Variants in AMBRA1 observed in about 807,000 individuals in gnomAD.
AMBRA1 encodes autophagy and beclin 1 regulator 1.
Under a neutral mutation model 125.4 loss-of-function variants are expected in AMBRA1, and 47 were observed. The ratio of observed to expected loss-of-function variants is 0.37; its 90% CI spans 0.30 to 0.48. The LOEUF (loss-of-function observed/expected upper bound fraction) is 0.48, where lower values mean the gene tolerates loss of function less well. AMBRA1 is among the 20% of genes least tolerant of loss of function. The probability of loss-of-function intolerance (pLI) is 0.99; values close to 1 mark genes in which losing one functional copy is unlikely to be tolerated. For synonymous variants in AMBRA1, 626 were observed against 655.5 expected (o/e 0.95, Z 0.69); for missense variants, 1,331 against 1,693.4 (o/e 0.79, Z 3.76).
chr11:46,542,183 T>C lies in AMBRA1; in HGVS notation c.1834A>G (p.Ser612Gly). 1.9e-6 allele frequency: 3 copies of C among 1,613,778 alleles called. No individual in the cohort carries two copies. Among genetic ancestry groups the C allele is most frequent in the East Asian group, 2.2e-5 (1 of 44,862 alleles). Reference protein sequence around the residue: ...VPSSFESVPSSGSQLPPLERT... With the variant: ...VPSSFESVPSGGSQLPPLERT... Reference sequence around the variant, plus strand: ...TCGAGAGGTGGCAACTGGCTGCCACTTGATGGCACACTCTCAAAGGAGCTG... The same window carrying C: ...TCGAGAGGTGGCAACTGGCTGCCACCTGATGGCACACTCTCAAAGGAGCTG... The change falls in exon 7 of 18, where the codon AGT (serine) becomes GGT (glycine). Residue 612 changes from serine (S) to glycine (G), a missense_variant. Ser to Gly is a moderately conservative substitution (Grantham distance 56). Transcript: ENST00000683756. The surrounding 1 kb of genome is among the most constrained non-coding windows in gnomAD (Gnocchi z 5.9).
At chr11:46,581,854 C>T (rs1445694275) in intron 1 of AMBRA1, among the ~76,000 whole-genome samples, 2 of 150,728 alleles carry the variant, frequency 1.3e-5, no homozygotes, top group Non-Finnish European at 3.0e-5. Context: ...GTAGTTCATG[C>T]CTGTAATTTC....
At chr11:46,568,377 G>C (rs1293417388) in intron 1 of AMBRA1, among the ~76,000 whole-genome samples, 1 of 151,746 alleles carries the variant, frequency 6.6e-6, no homozygotes, top group Non-Finnish European at 1.5e-5. Flanking sequence ...AGAATTGCTT[G>C]AACCCAGGAG....
intron 9 of AMBRA1, among the ~76,000 whole-genome samples, chr11:46,500,378 C>G (rs910536284): frequency 3.9e-5 from 6 of 152,180 alleles, no homozygotes; most frequent in Non-Finnish European, 5.9e-5. Flanking sequence ...TAGAAAACAT[C>G]AAGCCCTCAG....
At chr11:46,442,464 T>G (rs942874586) in intron 12 of AMBRA1, among the ~76,000 whole-genome samples, 1 of 151,938 alleles carries the variant, frequency 6.6e-6, no homozygotes, top group Admixed American at 6.6e-5. Context: ...TTAACACAAA[T>G]CTAGCAGTGA....
intron 12 of AMBRA1, among the ~76,000 whole-genome samples, chr11:46,440,462 G>A (rs1458716010): frequency 6.6e-6 from 1 of 152,198 alleles, no homozygotes; most frequent in East Asian, 1.9e-4. Context: ...ATGTGAGGAG[G>A]AGTGGTAGGA....
intron 8 of AMBRA1, among the ~76,000 whole-genome samples, chr11:46,510,803 A>G (rs1951227263): frequency 6.6e-6 from 1 of 152,208 alleles, no homozygotes; most frequent in Non-Finnish European, 1.5e-5. Flanking sequence ...TCTGACCTAT[A>G]CATAGTGTAT....
At chr11:46,403,238 A>G (rs1945846497) in intron 17 of AMBRA1, among the ~76,000 whole-genome samples, 1 of 152,190 alleles carries the variant, frequency 6.6e-6, no homozygotes, top group African/African-American at 2.4e-5. Context: ...CCAAAGAGGG[A>G]ACTGAGGCTC....
intron 9 of AMBRA1, among the ~76,000 whole-genome samples, chr11:46,498,643 G>A (rs923937142): frequency 2.0e-5 from 3 of 152,176 alleles, no homozygotes; most frequent in Admixed American, 1.3e-4. Flanking sequence ...GAGAGAGGCT[G>A]TAATTTGAAG....
chr11:46,519,576 G>C (rs1951670196), intron 7 of AMBRA1, among the ~76,000 whole-genome samples: 2 of 152,150 alleles, frequency 1.3e-5, no homozygotes, highest in Non-Finnish European at 2.9e-5. Context: ...GGGAATGCTG[G>C]CTCCCAGAAG....
At chr11:46,458,563 A>G (rs1948949969) in intron 11 of AMBRA1, among the ~76,000 whole-genome samples, 1 of 152,120 alleles carries the variant, frequency 6.6e-6, no homozygotes, top group South Asian at 2.1e-4. Flanking sequence ...TCCTTGAGAG[A>G]AGGGATCAAC....
intron 7 of AMBRA1, among the ~76,000 whole-genome samples, chr11:46,527,534 G>C (rs967870069): frequency 3.7e-5 from 5 of 136,464 alleles, no homozygotes; most frequent in Non-Finnish European, 6.3e-5. Context: ...GAAAATATTT[G>C]CTAACCATAT....
At chr11:46,456,166 TGAAA>T (rs1392659571) in intron 11 of AMBRA1, among the ~76,000 whole-genome samples, 2 of 152,034 alleles carry the variant, frequency 1.3e-5, no homozygotes, top group African/African-American at 4.8e-5. Flanking sequence ...CACATGCTAC[TGAAA>T]GATTACTAGG....
intron 7 of AMBRA1, chr11:46,530,581 A>T (rs1952169866): frequency 6.6e-6 from 1 of 152,254 alleles, no homozygotes; most frequent in Non-Finnish European, 1.5e-5. Context: ...GCCAATACTT[A>T]CTTAGAGCAT....
At chr11:46,577,814 G>A (rs1036556963) in intron 1 of AMBRA1, among the ~76,000 whole-genome samples, 5 of 152,016 alleles carry the variant, frequency 3.3e-5, no homozygotes, top group East Asian at 3.9e-4. Flanking sequence ...GCCGGGCATC[G>A]TGGTGCATGC....
At chr11:46,496,276 A>G (rs565423444) in intron 9 of AMBRA1, among the ~76,000 whole-genome samples, 69 of 152,162 alleles carry the variant, frequency 4.5e-4, no homozygotes, top group Admixed American at 2.6e-3. Flanking sequence ...TCAGCTGTTC[A>G]GAGGCTGAGG....
intron 17 of AMBRA1, among the ~76,000 whole-genome samples, chr11:46,408,303 G>A (rs1479403729): frequency 6.6e-6 from 1 of 152,184 alleles, no homozygotes; most frequent in Non-Finnish European, 1.5e-5. Flanking sequence ...CATTTTAGAG[G>A]AGAGGGACAT....
intron 1 of AMBRA1, among the ~76,000 whole-genome samples, chr11:46,575,993 G>C (rs772412363): frequency 6.6e-6 from 1 of 152,194 alleles, no homozygotes; most frequent in South Asian, 2.1e-4. Context: ...TATTTTTATA[G>C]GAAAGAGATT....
chr11:46,539,567 A>T lies in AMBRA1; in HGVS notation c.2072+2378T>A, dbSNP rs187365592. On this transcript the variant is annotated intron_variant, in intron 7 of 17. Coordinates refer to ENST00000683756, the MANE Select transcript of AMBRA1 (RefSeq NM_001387011.1). ...AGCGAAACTCCATCTCAAAAAAATA[A>T]AAATGTTATATTAAGGAAAATGCCA... is the stretch of plus-strand genomic sequence containing the variant. Among the ~76,000 whole-genome samples, 24 of 152,250 alleles carry T rather than the reference A, an allele frequency of 1.6e-4. 1 individual carries two copies. In the East Asian group the frequency reaches 3.7e-3, roughly 23 times the overall value.
intron 17 of AMBRA1, among the ~76,000 whole-genome samples, chr11:46,404,133 G>A (rs1431815470): frequency 6.6e-6 from 1 of 152,238 alleles, no homozygotes; most frequent in Non-Finnish European, 1.5e-5. Context: ...AGGCTGCAGT[G>A]AGCCGTGTTC....
Sources: gnomAD v4.1 joint callset for allele counts (sites outside exome capture counted in the v4.1 genomes callset) on GRCh38, gnomAD v4.1.1 for gene constraint, Gnocchi (gnomAD v3.1) non-coding constraint, MANE v1.5 for transcripts, NCBI Gene and HGNC (gene_info 2026-07-23, HGNC 2026-07-21) for gene names.